Variants in DNAH9 observed in about 807,000 individuals in gnomAD.
DNAH9 encodes the protein dynein axonemal heavy chain 9, also known as DNAH9 variant protein.
A neutral mutation model predicts 471.6 loss-of-function variants in DNAH9; 345 were observed. The ratio of observed to expected loss-of-function variants is 0.73; its 90% CI spans 0.67 to 0.80. The LOEUF (loss-of-function observed/expected upper bound fraction) is 0.80, where lower values mean the gene tolerates loss of function less well. Among genes scored for constraint, DNAH9 ranks in the 30% least tolerant of loss-of-function variants. DNAH9 has a pLI of 0.00. For synonymous variants in DNAH9, 2,093 were observed against 2,123.6 expected (o/e 0.99, Z 0.40); for missense variants, 5,407 against 5,609.2 (o/e 0.96, Z 1.15).
intron 49 of DNAH9, among the ~76,000 whole-genome samples, chr17:11,843,859 G>GTATATATATA (rs1490566898): frequency 0.17 from 7,603 of 45,358 alleles, 561 homozygotes; most frequent in Non-Finnish European, 0.19. Context: ...GTGTGTGTGT[G>GTATATATATA]TGTGTATATA....
rs1453162630 is a variant in DNAH9 at position 11,640,276 on chromosome 17, C to T, written c.1793C>T (p.Ser598Phe). 3 of 1,610,818 alleles carry T rather than the reference C, an allele frequency of 1.9e-6. No individual in the cohort carries two copies. Among genetic ancestry groups the T allele is most frequent in the South Asian group, 2.2e-5 (2 of 90,954 alleles). ...GTCTGTGCCATGTCTCCAGGGTTCT[C>T]CCCGGTGCACAAGAACATGCCCACC... The part of the protein sequence containing the change: ...HVQEEAELGF[S>F]PVHKNMPTVA... The change falls in exon 10 of 69, where the codon TCC becomes TTC. Residue 598 changes from serine (S) to phenylalanine (F), a missense_variant. By Grantham distance (155) the Ser-to-Phe change is radical. This residue lies in a region of DNAH9 where 4,636 missense variants were observed against 4,900.3 expected (regional missense o/e 0.95). Transcript: ENST00000262442.
At chr17:11,828,873 A>G (rs1597706203) in intron 48 of DNAH9, among the ~76,000 whole-genome samples, 2 of 152,240 alleles carry the variant, frequency 1.3e-5, no homozygotes, top group Middle Eastern at 6.8e-3. Flanking sequence ...ATCAAGCTAT[A>G]CTGCTATTAA....
intron 43 of DNAH9, among the ~76,000 whole-genome samples, chr17:11,804,557 T>C (rs947864987): frequency 1.3e-5 from 2 of 152,038 alleles, no homozygotes; most frequent in African/African-American, 4.8e-5. Context: ...TAAATAAAAA[T>C]AAAAACAGTA....
At chr17:11,777,038 T>C (rs941097171) in intron 38 of DNAH9, among the ~76,000 whole-genome samples, 2 of 152,236 alleles carry the variant, frequency 1.3e-5, no homozygotes, top group East Asian at 3.8e-4. Context: ...TTTTATGCCT[T>C]CTGTAAAATC....
chr17:11,820,966 A>G (rs1485428981), intron 45 of DNAH9, among the ~76,000 whole-genome samples: 3 of 151,832 alleles, frequency 2.0e-5, no homozygotes, highest in Non-Finnish European at 4.4e-5. Context: ...TTCAGTTGGC[A>G]TTTACTTTAG....
chr17:11,730,399 G>C (rs965170193), intron 28 of DNAH9, among the ~76,000 whole-genome samples: 3 of 152,220 alleles, frequency 2.0e-5, no homozygotes, highest in Non-Finnish European at 4.4e-5. Flanking sequence ...TTGTAAGGAT[G>C]TAAGCTGAGT....
At chr17:11,639,438 A>G (rs1322636571) in intron 9 of DNAH9, among the ~76,000 whole-genome samples, 4 of 152,246 alleles carry the variant, frequency 2.6e-5, no homozygotes, top group Admixed American at 2.6e-4. Context: ...TTAAATCTTG[A>G]CAACCAAATA....
chr17:11,843,857 G>GTATATATATATATATA (rs1341485444), intron 49 of DNAH9, among the ~76,000 whole-genome samples: 1 of 9,314 alleles, frequency 1.1e-4, no homozygotes, highest in Non-Finnish European at 2.2e-4. Flanking sequence ...GTGTGTGTGT[G>GTATATATATATATATA]TGTGTGTATA....
intron 11 of DNAH9, among the ~76,000 whole-genome samples, chr17:11,644,933 T>C (rs1313161188): frequency 1.3e-5 from 2 of 152,034 alleles, no homozygotes; most frequent in Non-Finnish European, 2.9e-5. Flanking sequence ...TTGCTGGGAG[T>C]GTGAACTAGA....
chr17:11,718,226 T>G (rs1223208740), intron 26 of DNAH9, among the ~76,000 whole-genome samples: 1 of 152,222 alleles, frequency 6.6e-6, no homozygotes, highest in African/African-American at 2.4e-5. Flanking sequence ...AGCATAATGT[T>G]TTTGAGGTTC....
intron 35 of DNAH9, 69 bp downstream of exon 35, chr17:11,757,761 G>A (rs1967463318): frequency 1.3e-6 from 2 of 1,518,592 alleles, no homozygotes; most frequent in East Asian, 2.3e-5. Context: ...CACACCTAGT[G>A]TCCTGCTGAT....
intron 61 of DNAH9, among the ~76,000 whole-genome samples, chr17:11,921,990 C>A (rs1974153320): frequency 6.6e-6 from 1 of 152,212 alleles, no homozygotes; most frequent in Admixed American, 6.5e-5. Context: ...AAAGTCCCAA[C>A]ACTTTTTATC....
chr17:11,755,437 T>G (rs906321175), intron 33 of DNAH9, among the ~76,000 whole-genome samples: 2 of 152,210 alleles, frequency 1.3e-5, no homozygotes, highest in African/African-American at 4.8e-5. Context: ...ATGAGTTTGA[T>G]TCTTCCTATC....
intron 37 of DNAH9, 42 bp from the exon 38 acceptor site, chr17:11,769,080 C>T (rs1208845911): frequency 1.2e-6 from 2 of 1,607,162 alleles, no homozygotes; most frequent in African/African-American, 2.7e-5. Context: ...CTGTTTCTCC[C>T]TAGAGCCCAC....
chr17:11,679,468 C>T (rs1185901519), intron 17 of DNAH9, among the ~76,000 whole-genome samples: 2 of 152,204 alleles, frequency 1.3e-5, no homozygotes, highest in African/African-American at 4.8e-5. Flanking sequence ...GAAATGACCT[C>T]CATTCTTGAT....
intron 22 of DNAH9, among the ~76,000 whole-genome samples, chr17:11,696,168 C>T (rs2074472988): frequency 1.3e-5 from 2 of 152,162 alleles, no homozygotes; most frequent in Admixed American, 1.3e-4. Flanking sequence ...AGCAAATGCA[C>T]ATTTACATTC....
intron 48 of DNAH9, among the ~76,000 whole-genome samples, chr17:11,823,627 G>A (rs1384157442): frequency 2.0e-5 from 3 of 152,120 alleles, no homozygotes; most frequent in Admixed American, 2.0e-4. Flanking sequence ...TGAGTAGTTG[G>A]CCATGGAAAG....
intron 28 of DNAH9, among the ~76,000 whole-genome samples, chr17:11,738,103 C>T (rs2075376727): frequency 1.3e-5 from 2 of 152,200 alleles, no homozygotes; most frequent in African/African-American, 4.8e-5. Flanking sequence ...CAATTAGTAG[C>T]TGTGTGGCTT....
intron 43 of DNAH9, 53 bp downstream of exon 43, chr17:11,797,846 CAG>C: frequency 1.9e-6 from 3 of 1,555,378 alleles, no homozygotes; most frequent in Non-Finnish European, 2.6e-6. Flanking sequence ...TTCCCAATGA[CAG>C]GGGTCTCATT....
Sources: allele counts gnomAD v4.1 joint callset (sites outside exome capture counted in the v4.1 genomes callset), GRCh38; gene constraint gnomAD v4.1.1; regional missense constraint gnomAD v4.1.1; transcripts MANE v1.5; gene names NCBI Gene and HGNC (gene_info 2026-07-23, HGNC 2026-07-21).